The following AUTS2 variants were observed in gnomAD, a reference collection of about 807,000 sequenced individuals.
AUTS2 encodes the protein autism susceptibility gene 2 protein.
In AUTS2, 17 loss-of-function variants were observed where a neutral mutation model predicts 112.4. That is an observed-to-expected ratio of 0.15 (90% confidence interval 0.10 to 0.23). The LOEUF (loss-of-function observed/expected upper bound fraction) is 0.23. Among genes scored for constraint, AUTS2 ranks in the 10% least tolerant of loss-of-function variants. AUTS2 has a pLI of 1.00. For synonymous variants in AUTS2, 751 were observed against 702.7 expected, an observed-to-expected ratio of 1.07 and a Z score of -1.09; for missense variants, 1,510 against 1,701.6, an observed-to-expected ratio of 0.89 and a Z score of 1.98.
intron 5 of AUTS2, among the ~76,000 whole-genome samples, chr7:70,612,632 C>T (rs1452925358): frequency 1.3e-5 from 2 of 152,104 alleles, no homozygotes; most frequent in Non-Finnish European, 2.9e-5. Context: ...TTGTTCTTGT[C>T]ATACAGCATG....
intron 4 of AUTS2, among the ~76,000 whole-genome samples, chr7:70,426,162 TG>T (rs1163974754): frequency 6.6e-6 from 1 of 152,214 alleles, no homozygotes; most frequent in African/African-American, 2.4e-5. Context: ...TTTCAAGAGC[TG>T]TTGGCATCTT....
intron 2 of AUTS2, among the ~76,000 whole-genome samples, chr7:70,029,827 G>A (rs926856399): frequency 1.1e-4 from 16 of 152,138 alleles, no homozygotes; most frequent in Admixed American, 2.0e-4. Flanking sequence ...CACAGCAATC[G>A]TAATATGAAA....
intron 2 of AUTS2, among the ~76,000 whole-genome samples, chr7:70,096,639 ACTGTGT>A (rs1369155014): frequency 1.3e-5 from 2 of 151,512 alleles, no homozygotes; most frequent in East Asian, 3.9e-4. Context: ...AAAAGAAAAT[ACTGTGT>A]AAAGGACTAT....
chr7:70,114,958 A>C (rs1300829396), intron 2 of AUTS2, among the ~76,000 whole-genome samples: 1 of 152,132 alleles, frequency 6.6e-6, no homozygotes, highest in Non-Finnish European at 1.5e-5. Flanking sequence ...TTTCCTTTAA[A>C]CTTGAGCCTG....
chr7:69,849,405 C>A (rs1009142611), intron 1 of AUTS2, among the ~76,000 whole-genome samples: 1 of 152,078 alleles, frequency 6.6e-6, no homozygotes, highest in East Asian at 1.9e-4. Context: ...AGCTCTATGT[C>A]GTTCTTTGAC....
At chr7:69,690,440 C>A (rs1354361307) in intron 1 of AUTS2, among the ~76,000 whole-genome samples, 1 of 152,218 alleles carries the variant, frequency 6.6e-6, no homozygotes, top group Non-Finnish European at 1.5e-5. Context: ...GCAGGCTGTG[C>A]TCAGGTTTTG....
chr7:69,948,898 C>T (rs1396240527), intron 2 of AUTS2, among the ~76,000 whole-genome samples: 4 of 151,836 alleles, frequency 2.6e-5, no homozygotes, highest in African/African-American at 4.8e-5. Flanking sequence ...CTCCACCTCC[C>T]GGGTTCAAGT....
chr7:70,444,758 G>C (rs1796255904), intron 5 of AUTS2, among the ~76,000 whole-genome samples: 1 of 152,110 alleles, frequency 6.6e-6, no homozygotes, highest in Non-Finnish European at 1.5e-5. Flanking sequence ...CTCCCTTGTT[G>C]TTCTAAACCA....
At chr7:69,645,984 T>C (rs78543203) in intron 1 of AUTS2, among the ~76,000 whole-genome samples, 2 of 151,550 alleles carry the variant, frequency 1.3e-5, no homozygotes, top group African/African-American at 2.4e-5. Flanking sequence ...TTTTTTTTTT[T>C]TCTCCTTCTT....
At chr7:70,619,134 C>T (rs11771374) in intron 5 of AUTS2, among the ~76,000 whole-genome samples, 4 of 152,008 alleles carry the variant, frequency 2.6e-5, no homozygotes, top group East Asian at 1.9e-4. Context: ...ACCTTCCCCC[C>T]CTCCCCATCC....
rs374892326 is a variant in AUTS2, at chr7:69,661,362, C to T, written c.309+61400C>T. The stretch of plus-strand genomic sequence containing the variant: ...TAAAATTTGAAAGTAGAAAGTTTGT[C>T]CTGTCCACAGTGTTTGCCATTTCAT... On this transcript the variant is annotated intron_variant, in intron 1 of 18. Coordinates refer to ENST00000342771, the MANE Select transcript of AUTS2 (RefSeq NM_015570.4). Among the ~76,000 whole-genome samples the T allele has an allele frequency of 1.2e-4, 18 of 152,276 alleles. No homozygotes were observed. In the East Asian group the frequency reaches 3.5e-3, roughly 29 times the overall value.
chr7:69,626,844 A>G (rs1562769319), intron 1 of AUTS2, among the ~76,000 whole-genome samples: 1 of 152,230 alleles, frequency 6.6e-6, no homozygotes, highest in Non-Finnish European at 1.5e-5. Flanking sequence ...AGTATTAAAA[A>G]GGTCTTGTGT....
intron 5 of AUTS2, among the ~76,000 whole-genome samples, chr7:70,570,172 G>T (rs1801878150): frequency 6.6e-6 from 1 of 152,170 alleles, no homozygotes; most frequent in Admixed American, 6.5e-5. Flanking sequence ...AGGTTAGGCA[G>T]GTCTGGCCTA....
chr7:70,289,379 T>TTTCA (rs1788607150), intron 4 of AUTS2, among the ~76,000 whole-genome samples: 2 of 152,214 alleles, frequency 1.3e-5, no homozygotes, highest in African/African-American at 4.8e-5. Flanking sequence ...CTCCCTTCTC[T>TTTCA]TTCATTCGTG....
At chr7:69,996,376 G>A (rs1349179074) in intron 2 of AUTS2, among the ~76,000 whole-genome samples, 4 of 152,182 alleles carry the variant, frequency 2.6e-5, no homozygotes, top group Non-Finnish European at 4.4e-5. Flanking sequence ...TGTGTTCTGC[G>A]TGGATTGCAT....
intron 1 of AUTS2, among the ~76,000 whole-genome samples, chr7:69,804,101 A>G (rs896180793): frequency 6.6e-6 from 1 of 152,122 alleles, no homozygotes; most frequent in Non-Finnish European, 1.5e-5. Flanking sequence ...ATCAACCTTT[A>G]TTTCCCTAAG....
At chr7:69,762,671 A>G (rs1419046812) in intron 1 of AUTS2, among the ~76,000 whole-genome samples, 2 of 152,172 alleles carry the variant, frequency 1.3e-5, no homozygotes, top group Non-Finnish European at 2.9e-5. Context: ...CAATGTTTGC[A>G]TATTAAATCA....
intron 1 of AUTS2, among the ~76,000 whole-genome samples, chr7:69,898,187 G>A (rs1048184368): frequency 6.6e-6 from 1 of 151,986 alleles, no homozygotes; most frequent in Middle Eastern, 3.2e-3. Flanking sequence ...TATATATGCC[G>A]ACTATGTACC....
intron 5 of AUTS2, among the ~76,000 whole-genome samples, chr7:70,561,466 A>AT (rs1476358732): frequency 2.0e-5 from 3 of 152,026 alleles, no homozygotes; most frequent in South Asian, 4.2e-4. Flanking sequence ...CTCTACAAAA[A>AT]TTTTTTTTAA....
Sources: gnomAD v4.1 joint callset for allele counts (sites outside exome capture counted in the v4.1 genomes callset) on GRCh38, gnomAD v4.1.1 for gene constraint, MANE v1.5 for transcripts, NCBI Gene and HGNC (gene_info 2026-07-23, HGNC 2026-07-21) for gene names.